Variants in NUP98 observed in about 807,000 individuals in gnomAD.
NUP98 encodes the protein nuclear pore complex protein Nup98-Nup96.
NUP98 carries 26 observed loss-of-function variants against 191.9 expected under a neutral mutation model. The observed-to-expected ratio is 0.14, with a 90% CI of 0.10 to 0.19. The LOEUF (loss-of-function observed/expected upper bound fraction) is 0.19. Ranked by LOEUF, NUP98 falls within the 10% of genes least tolerant of loss-of-function variation. The pLI, the probability that NUP98 is intolerant of heterozygous loss-of-function variation, is 1.00. For synonymous variants in NUP98, 808 were observed against 778.4 expected, an observed-to-expected ratio of 1.04 and a Z score of -0.63; for missense variants, 1,941 against 2,178.8, an observed-to-expected ratio of 0.89 and a Z score of 2.17.
rs150851844 is a variant in NUP98, at chr11:3,689,252, T to C, written c.4454+2095A>G. On this transcript the variant is annotated intron_variant, in intron 28 of 32. Coordinates refer to ENST00000324932, the MANE Select transcript of NUP98 (RefSeq NM_016320.5). Reference sequence around the variant, plus strand: ...TGTCTAAAAACAAAACAAGGCTAGGTGCAGTGGCTCGCGCCTGTAATCCCA... The same window carrying C: ...TGTCTAAAAACAAAACAAGGCTAGGCGCAGTGGCTCGCGCCTGTAATCCCA... 4.3e-4 allele frequency among the ~76,000 whole-genome samples: 66 copies of C among 151,790 alleles called. No homozygotes were observed. The East Asian group carries it at 0.012, about 28-fold the overall frequency.
Position 3,712,549 on chromosome 11 carries a change from T to G in NUP98, c.2742+15A>C, listed in dbSNP as rs373803547. 2.1e-5 allele frequency: 34 copies of G among 1,612,232 alleles called. No individual in the cohort carries two copies. The African/African-American group carries it at 3.9e-4, about 18-fold the overall frequency. ...TCACGGATTCCATTCAAATTCACTG[T>G]CCTTTTTTCTCTACCTGAGGTGGAG... On this transcript the variant is annotated intron_variant, in intron 20 of 32. Coordinates refer to ENST00000324932, the MANE Select transcript of NUP98 (RefSeq NM_016320.5).
At chr11:3,792,788 T>A (rs994516585) in intron 1 of NUP98, among the ~76,000 whole-genome samples, 1 of 152,158 alleles carries the variant, frequency 6.6e-6, no homozygotes, top group African/African-American at 2.4e-5. Flanking sequence ...AAAAGTTCAA[T>A]GACACAGTTT....
chr11:3,791,533 C>CA (rs71041395), intron 1 of NUP98, among the ~76,000 whole-genome samples: 905 of 67,082 alleles, frequency 0.013, 14 homozygotes, highest in Middle Eastern at 0.022. Context: ...GACCTCGTCT[C>CA]AAAAAAAAAA....
chr11:3,700,819 T>G lies in NUP98; in HGVS notation c.3533A>C (p.Lys1178Thr). The stretch of plus-strand genomic sequence containing the variant: ...CAAACTGAGTTTTTCTAAGTGAACT[T>G]TGAATGGGGACTCAGTTAGGCTACA... ...AVKPLTESPFKVHLEKLSLRQ... is the reference protein window; with the variant it reads ...AVKPLTESPFTVHLEKLSLRQ... The change falls in exon 24 of 33, where the codon AAA becomes ACA. Residue 1178 changes from lysine to threonine, a missense_variant. This residue lies in a region of NUP98 where 1,030 missense variants were observed against 1,115.8 expected (regional missense o/e 0.92). Transcript: ENST00000324932. 1 of 1,613,732 alleles carries G rather than the reference T, an allele frequency of 6.2e-7. No individual in the cohort carries two copies. Among genetic ancestry groups the G allele is most frequent in the Non-Finnish European group, 8.5e-7 (1 of 1,179,770 alleles).
intron 14 of NUP98, among the ~76,000 whole-genome samples, 171 bp downstream of exon 14, chr11:3,731,220 T>A (rs527379780): frequency 6.6e-6 from 1 of 151,294 alleles, no homozygotes; most frequent in East Asian, 2.0e-4. Flanking sequence ...GCAAAGATCA[T>A]GCCATTGCAC....
intron 14 of NUP98, among the ~76,000 whole-genome samples, chr11:3,729,562 A>C (rs1161894055): frequency 6.7e-6 from 1 of 149,140 alleles, no homozygotes; most frequent in Non-Finnish European, 1.5e-5. Flanking sequence ...AAAAAAAAAA[A>C]AAAAAATTAC....
At chr11:3,779,782 T>G (rs1037015229) in intron 2 of NUP98, among the ~76,000 whole-genome samples, 2 of 152,160 alleles carry the variant, frequency 1.3e-5, no homozygotes, top group Non-Finnish European at 2.9e-5. Context: ...TATGAAAATT[T>G]AAAGTCAAAA....
chr11:3,776,139 T>TTTTTTTTGGTTG, intron 4 of NUP98, 118 bp from the exon 5 acceptor site: 1 of 693,036 alleles, frequency 1.4e-6, no homozygotes, highest in Non-Finnish European at 2.4e-6. Flanking sequence ...TTTTTTTTTT[T>TTTTTTTTGGTTG]GAGACAGGGT....
At chr11:3,712,511 T>C in intron 20 of NUP98, 53 bp downstream of exon 20, 1 of 1,605,062 alleles carries the variant, frequency 6.2e-7, no homozygotes, top group Non-Finnish European at 8.5e-7. Context: ...ATGACTTGCT[T>C]TCAACTTCGG....
intron 1 of NUP98, 23 bp from the exon 2 acceptor site, chr11:3,782,168 A>G: frequency 7.6e-7 from 1 of 1,313,772 alleles, no homozygotes; most frequent in Admixed American, 1.9e-5. Context: ...AAACATTATC[A>G]CTCTCTTAAA....
intron 11 of NUP98, among the ~76,000 whole-genome samples, chr11:3,747,739 A>G (rs977714067): frequency 2.6e-5 from 4 of 152,222 alleles, no homozygotes; most frequent in Non-Finnish European, 5.9e-5. Context: ...TGAAAATAAG[A>G]AGCTGCAGAG....
chr11:3,743,190 T>C (rs899856609), intron 12 of NUP98, among the ~76,000 whole-genome samples: 1 of 151,580 alleles, frequency 6.6e-6, no homozygotes, highest in Non-Finnish European at 1.5e-5. Context: ...AGCTAATTTT[T>C]GCATTTTTAA....
intron 20 of NUP98, chr11:3,712,298 C>G: frequency 4.9e-6 from 6 of 1,229,316 alleles, no homozygotes; most frequent in Non-Finnish European, 6.1e-6. Flanking sequence ...TTCAGCAAGT[C>G]CAAATGAGAG....
intron 15 of NUP98, 23 bp downstream of exon 15, chr11:3,725,080 A>C: frequency 9.5e-7 from 1 of 1,054,958 alleles, no homozygotes; most frequent in Non-Finnish European, 1.5e-6. Flanking sequence ...ACTAAGAAGA[A>C]CTCAAAACAG....
At chr11:3,730,253 C>T (rs2079793070) in intron 14 of NUP98, among the ~76,000 whole-genome samples, 1 of 151,902 alleles carries the variant, frequency 6.6e-6, no homozygotes, top group African/African-American at 2.4e-5. Context: ...AAATAAAATG[C>T]TAGGACAGAC....
intron 8 of NUP98, among the ~76,000 whole-genome samples, chr11:3,767,722 T>C (rs979851568): frequency 6.6e-6 from 1 of 152,026 alleles, no homozygotes; most frequent in Non-Finnish European, 1.5e-5. Context: ...TTTAATTTCA[T>C]ACTTCCCTAA....
intron 17 of NUP98, 108 bp downstream of exon 17, chr11:3,720,604 G>T: frequency 1.7e-6 from 1 of 576,518 alleles, no homozygotes; most frequent in East Asian, 3.0e-5. Context: ...AGGCCAAGGT[G>T]GGCCCAAATG....
intron 31 of NUP98, among the ~76,000 whole-genome samples, chr11:3,678,667 C>G (rs1188057046): frequency 6.6e-6 from 1 of 152,088 alleles, no homozygotes; most frequent in Non-Finnish European, 1.5e-5. Flanking sequence ...GTGAGTACAG[C>G]AGGCTAGCAA....
At chr11:3,792,216 T>G (rs989724709) in intron 1 of NUP98, among the ~76,000 whole-genome samples, 1 of 142,938 alleles carries the variant, frequency 7.0e-6, no homozygotes, top group African/African-American at 2.6e-5. Context: ...AAAACATGTA[T>G]TCACCACTAT....
Sources: allele counts gnomAD v4.1 joint callset (sites outside exome capture counted in the v4.1 genomes callset), GRCh38; gene constraint gnomAD v4.1.1; regional missense constraint gnomAD v4.1.1; transcripts MANE v1.5; gene names NCBI Gene and HGNC (gene_info 2026-07-23, HGNC 2026-07-21).